The following PPP1R14D variants were observed in gnomAD, a reference collection of about 807,000 sequenced individuals.
PPP1R14D encodes the protein protein phosphatase 1 regulatory subunit 14D.
PPP1R14D carries 14 observed loss-of-function variants against 17.1 expected under a neutral mutation model. That is an observed-to-expected ratio of 0.82 (90% CI 0.54 to 1.28). PPP1R14D has a LOEUF of 1.28. Ranked by LOEUF, PPP1R14D falls within the 50% of genes most tolerant of loss-of-function variation. The pLI is 0.00. For missense variants in PPP1R14D, 173 were observed against 179.2 expected (o/e 0.97, Z 0.20); for synonymous variants, 67 against 66.1 (o/e 1.01, Z -0.06).
Position 40,815,909 on chromosome 15 carries a change from C to A in PPP1R14D, c.372+53G>T, listed in dbSNP as rs1890651180. On this transcript the variant is annotated intron_variant, in intron 3 of 3. Transcript: ENST00000299174. ...CCCTTCAAATACTCCTCATTAGCTA[C>A]CTCCCCCATTGGGCCTCCTCTTACC... 62 of 1,595,154 alleles carry A rather than the reference C, an allele frequency of 3.9e-5. 1 individual carries two copies. In the South Asian group the frequency reaches 6.7e-4, roughly 17 times the overall value.
chr15:40,826,777 A>G (rs796265250), intron 1 of PPP1R14D, among the ~76,000 whole-genome samples: 10 of 152,280 alleles, frequency 6.6e-5, no homozygotes, highest in African/African-American at 2.4e-4. Context: ...AGACCAACCT[A>G]GGCAACATAG....
chr15:40,828,352 C>T lies in PPP1R14D; in HGVS notation c.255+35G>A, dbSNP rs971876941. The T allele has an allele frequency of 2.6e-6, 4 of 1,542,054 alleles. No individual in the cohort carries two copies. In the African/African-American group the frequency reaches 5.5e-5, roughly 21 times the overall value. On this transcript the variant is annotated intron_variant, in intron 1 of 3. Coordinates refer to ENST00000299174, the MANE Select transcript of PPP1R14D (RefSeq NM_017726.8). The stretch of plus-strand genomic sequence containing the variant: ...TCAGTGCCCTGGGTGGACCCCAGGC[C>T]CCCATCTCCTCCCACTATCCGCTGT...
chr15:40,818,058 A>T (rs1239367821), intron 1 of PPP1R14D, among the ~76,000 whole-genome samples: 1 of 152,110 alleles, frequency 6.6e-6, no homozygotes, highest in Non-Finnish European at 1.5e-5. Context: ...TGGGAGGCTG[A>T]GGCGGGCTGA....
chr15:40,828,334 C>T (rs1890905754), intron 1 of PPP1R14D, 53 bp downstream of exon 1: 1 of 1,526,386 alleles, frequency 6.6e-7, no homozygotes, highest in Admixed American at 2.2e-5. Context: ...GTCTCAGTGC[C>T]CTGGGTGGAC....
In PPP1R14D at chr15:40,825,453, G is replaced by C. The variant is rs542181874; in HGVS notation, c.255+2934C>G. Among the ~76,000 whole-genome samples, 4 of 152,282 alleles carry C rather than the reference G, an allele frequency of 2.6e-5. No homozygotes were observed. In the South Asian group the frequency reaches 8.3e-4, roughly 32 times the overall value. ...GACAACAGGAGCTCTAGGACCCCAA[G>C]TCTGCGTCCCCAGACTTGGTTCCTC... On this transcript the variant is annotated intron_variant, in intron 1 of 3. Transcript: ENST00000299174.
chr15:40,822,118 T>A (rs368865132), intron 1 of PPP1R14D, among the ~76,000 whole-genome samples: 3 of 151,788 alleles, frequency 2.0e-5, no homozygotes, highest in African/African-American at 7.3e-5. Context: ...CTCTATTTTT[T>A]AAAAAACATT....
Position 40,825,290 on chromosome 15 carries a change from A to G in PPP1R14D, c.255+3097T>C, listed in dbSNP as rs181704616. 1.4e-3 allele frequency among the ~76,000 whole-genome samples: 209 copies of G among 149,294 alleles called. 3 individuals are homozygous for G. The East Asian group carries it at 0.026, about 19-fold the overall frequency. The stretch of plus-strand genomic sequence containing the variant: ...ACAAGAGTGAAACTCTGTCTCAAAA[A>G]AAAAAAAAAGAAAGAAAGAAAGAAA... On this transcript the variant is annotated intron_variant, in intron 1 of 3. Transcript: ENST00000299174.
Position 40,816,210 on chromosome 15 carries a change from A to C in PPP1R14D, c.299T>G (p.Leu100Arg). 1 of 1,614,154 alleles carries C rather than the reference A, an allele frequency of 6.2e-7. No homozygotes were observed. The highest frequency in any genetic ancestry group is 8.5e-7 in the Non-Finnish European group (1 of 1,180,032). The change falls in exon 2 of 4, where the codon CTC becomes CGC. Residue 100 changes from leucine (L) to arginine (R), a missense_variant. Physicochemically the swap from Leu to Arg is moderately radical, Grantham distance 102. Transcript: ENST00000299174. ...CTGCTCCTCTGTGGATAGATCCATG[A>C]GAGCTTCCAGGTCAATCTCAGGCTC... ...PSEPEIDLEA[L>R]MDLSTEEQKT...
intron 3 of PPP1R14D, 21 bp downstream of exon 3, chr15:40,815,941 C>G: frequency 1.2e-6 from 2 of 1,613,796 alleles, no homozygotes; most frequent in Non-Finnish European, 1.7e-6. Context: ...TACCCCAGAC[C>G]AGCAGAAGAA....
intron 3 of PPP1R14D, 57 bp from the exon 4 acceptor site, chr15:40,815,818 G>A: frequency 7.3e-7 from 1 of 1,374,942 alleles, no homozygotes; most frequent in Non-Finnish European, 1.0e-6. Flanking sequence ...CCCCCACCCT[G>A]CCCTCCCTAA....
In PPP1R14D at chr15:40,828,492, C is replaced by T; in HGVS notation, c.150G>A (p.Arg50=). The T allele has an allele frequency of 1.2e-6, 2 of 1,614,186 alleles. No homozygotes were observed. Residue 50 remains arginine (R), a synonymous_variant, in exon 1 of 4, where the codon AGG becomes AGA. Coordinates refer to ENST00000299174, the MANE Select transcript of PPP1R14D (RefSeq NM_017726.8). ...KSHPDSSKIP[R]SRRPSRLTVK... is the part of the protein sequence containing the mutation. ...CTGTCAGGCGGCTGGGTCTCCGGGACCTGGGTATCTTGGAGGAGTCCGGGT... is the reference window on the plus strand; with the variant it reads ...CTGTCAGGCGGCTGGGTCTCCGGGATCTGGGTATCTTGGAGGAGTCCGGGT...
intron 1 of PPP1R14D, among the ~76,000 whole-genome samples, chr15:40,816,757 G>T (rs925087406): frequency 1.3e-5 from 2 of 151,748 alleles, no homozygotes; most frequent in Non-Finnish European, 2.9e-5. Flanking sequence ...CATCTGTTAA[G>T]GGACTGTTAC....
At chr15:40,818,838 A>G (rs935387101) in intron 1 of PPP1R14D, among the ~76,000 whole-genome samples, 1 of 151,870 alleles carries the variant, frequency 6.6e-6, no homozygotes, top group African/African-American at 2.4e-5. Context: ...GTGAAGCCCA[A>G]TTTAAACCAT....
chr15:40,820,133 T>A (rs1890748632), intron 1 of PPP1R14D, among the ~76,000 whole-genome samples: 2 of 151,678 alleles, frequency 1.3e-5, no homozygotes, highest in South Asian at 4.2e-4. Context: ...CCCAAAGTGC[T>A]GGGATTACAG....
chr15:40,823,207 G>A (rs1454665535), intron 1 of PPP1R14D, among the ~76,000 whole-genome samples: 1 of 151,668 alleles, frequency 6.6e-6, no homozygotes, highest in Non-Finnish European at 1.5e-5. Context: ...CAGGTGATCC[G>A]TCCACTTCAG....
At position 40,818,193 on chromosome 15, in the gene PPP1R14D, G is replaced by A. The variant is rs184492005; in HGVS notation, c.256-1940C>T. Among the ~76,000 whole-genome samples the A allele has an allele frequency of 1.2e-3, 182 of 150,982 alleles. 1 individual carries two copies. Among genetic ancestry groups the A allele is most frequent in the Admixed American group, 3.4e-3 (51 of 15,146 alleles). The stretch of plus-strand genomic sequence containing the variant: ...TGTCCCAGCTACTCGGGAGGCTGAG[G>A]CAGGAGAATGGTGTGAACCCGGGAG... On this transcript the variant is annotated intron_variant, in intron 1 of 3. Transcript: ENST00000299174.
At chr15:40,821,990 A>T (rs1408928539) in intron 1 of PPP1R14D, among the ~76,000 whole-genome samples, 1 of 152,110 alleles carries the variant, frequency 6.6e-6, no homozygotes, top group Non-Finnish European at 1.5e-5. Context: ...AAAAAGTATC[A>T]GTCTTGGTCA....
intron 1 of PPP1R14D, among the ~76,000 whole-genome samples, chr15:40,822,752 C>G (rs1333311171): frequency 6.6e-6 from 1 of 151,800 alleles, no homozygotes; most frequent in Non-Finnish European, 1.5e-5. Flanking sequence ...CATGCCTGGC[C>G]TCAAGACCAG....
chr15:40,820,846 G>A (rs1005247856), intron 1 of PPP1R14D, among the ~76,000 whole-genome samples: 1 of 151,314 alleles, frequency 6.6e-6, no homozygotes, highest in African/African-American at 2.4e-5. Context: ...GGGTGACAGA[G>A]CAAGACTCTG....
Sources: allele counts gnomAD v4.1 joint callset (sites outside exome capture counted in the v4.1 genomes callset), GRCh38; gene constraint gnomAD v4.1.1; transcripts MANE v1.5; gene names NCBI Gene and HGNC (gene_info 2026-07-23, HGNC 2026-07-21).